KISS1R: variants seen among roughly 807,000 people sequenced by gnomAD.
The protein encoded by KISS1R is KISS1 receptor.
Under a neutral mutation model 22.0 loss-of-function variants are expected in KISS1R, and 19 were observed. The ratio of observed to expected loss-of-function variants is 0.86; its 90% confidence interval spans 0.60 to 1.26. KISS1R has a LOEUF of 1.26. Ranked by LOEUF, KISS1R falls within the 50% of genes most tolerant of loss-of-function variation. KISS1R has a pLI of 0.00. For missense variants in KISS1R, 653 were observed against 581.9 expected, an observed-to-expected ratio of 1.12 and a Z score of -1.26; for synonymous variants, 302 against 283.9, an observed-to-expected ratio of 1.06 and a Z score of -0.64.
At chr19:919,238 A>G (rs1191332132) in intron 2 of KISS1R, among the ~76,000 whole-genome samples, 1 of 151,898 alleles carries the variant, frequency 6.6e-6, no homozygotes, top group African/African-American at 2.4e-5. Context: ...CCTCCATCCC[A>G]CGCAGCCCCC....
Position 917,475 on chromosome 19 carries a change from C to T in KISS1R, c.-28C>T. 7.0e-7 allele frequency: 1 copy of T among 1,435,358 alleles called. No homozygotes were observed. Among genetic ancestry groups the T allele is most frequent in the South Asian group, 1.4e-5 (1 of 69,926 alleles). The allele number at this position is 1,435,358 out of a possible 1,614,324, so 88.9% of individuals were successfully genotyped here. A position where few individuals can be genotyped will look rare whatever the true frequency, so the allele number is the denominator to read the frequency against. ...GGTGCCAGGGCGCAATCCTGGAGGG[C>T]GGCCGGGAGGAGGAGGTGCGCGCGG... On this transcript the variant is annotated 5_prime_UTR_variant, in exon 1 of 5. Transcript: ENST00000234371.
intron 1 of KISS1R, 29 bp downstream of exon 1, chr19:917,775 T>G (rs1246042058): frequency 1.3e-6 from 2 of 1,584,688 alleles, no homozygotes; most frequent in Non-Finnish European, 1.7e-6. Flanking sequence ...CCGCACCTGC[T>G]GCCGTCCCGG....
Position 920,271 on chromosome 19 carries a change from C to T in KISS1R, c.739-19C>T, listed in dbSNP as rs560129563. On this transcript the variant is annotated intron_variant, in intron 4 of 4. Transcript: ENST00000234371. Reference sequence around the variant, plus strand: ...GGGCCCCAGCCTTTCGTCTAACCACCTTCACGGCACCCCCCCAGGGGCAGG... The same window carrying T: ...GGGCCCCAGCCTTTCGTCTAACCACTTTCACGGCACCCCCCCAGGGGCAGG... 7 of 1,565,870 alleles carry T rather than the reference C, an allele frequency of 4.5e-6. No homozygotes were observed. The highest frequency in any genetic ancestry group is 6.0e-6 in the Non-Finnish European group (7 of 1,165,198).
chr19:920,353 G>A lies in KISS1R; in HGVS notation c.802G>A (p.Val268Met). 6.4e-7 allele frequency: 1 copy of A among 1,565,114 alleles called. No individual in the cohort carries two copies. Among genetic ancestry groups the A allele is most frequent in the East Asian group, 2.4e-5 (1 of 42,122 alleles). ...RAKVSRLVAA[V>M]VLLFAACWGP... ...CAAGGTCTCGCGGCTGGTGGCGGCC[G>A]TGGTCCTGCTCTTCGCCGCCTGCTG... The change falls in exon 5 of 5, where the codon GTG (valine) becomes ATG (methionine). Residue 268 changes from valine to methionine, a missense_variant. Transcript: ENST00000234371.
Position 920,385 on chromosome 19 carries a change from C to CA in KISS1R, c.835dup (p.Ile279AsnfsTer27). On this transcript the variant is annotated frameshift_variant, in exon 5 of 5. Coordinates refer to ENST00000234371, the MANE Select transcript of KISS1R (RefSeq NM_032551.5). LOFTEE classifies it low-confidence loss of function (END_TRUNC). Reference sequence around the variant, plus strand: ...TGCTCTTCGCCGCCTGCTGGGGCCCCATCCAGCTGTTCCTGGTGCTGCAGG... The same window carrying CA: ...TGCTCTTCGCCGCCTGCTGGGGCCCCAATCCAGCTGTTCCTGGTGCTGCAGG... 1.3e-5 allele frequency: 21 copies of CA among 1,594,478 alleles called. No homozygotes were observed. Among genetic ancestry groups the CA allele is most frequent in the Non-Finnish European group, 1.7e-5 (20 of 1,174,982 alleles).
chr19:920,023 G>T lies in KISS1R; in HGVS notation c.655G>T (p.Ala219Ser). The T allele has an allele frequency of 6.5e-7, 1 of 1,541,410 alleles. No homozygotes were observed. The highest frequency in any genetic ancestry group is 8.7e-7 in the Non-Finnish European group (1 of 1,146,860). Residue 219 changes from alanine (A) to serine (S), a missense_variant, in exon 4 of 5, where the codon GCC (alanine) becomes TCC (serine). Physicochemically the swap from Ala to Ser is moderately conservative, Grantham distance 99 (BLOSUM62 1). Transcript: ENST00000234371. ...GGCGCTGTACCTGCTGCCGCTGCTC[G>T]CCACCTGCGCCTGCTATGCGGCCAT... is the stretch of plus-strand genomic sequence containing the variant. ...LLALYLLPLL[A>S]TCACYAAMLR...
At position 919,949 on chromosome 19, in the gene KISS1R, C is replaced by T. The variant is rs397514699; in HGVS notation, c.581C>T (p.Ala194Val). 1.3e-6 allele frequency: 2 copies of T among 1,570,158 alleles called. No individual in the cohort carries two copies. The highest frequency in any genetic ancestry group is 1.4e-5 in the African/African-American group (1 of 73,736). Residue 194 changes from alanine to valine, a missense_variant, in exon 4 of 5, where the codon GCC becomes GTC. Coordinates refer to ENST00000234371, the MANE Select transcript of KISS1R (RefSeq NM_032551.5). ...SPGPRAYCSE[A>V]FPSRALERAF... ...GGGCCGCGCGCCTACTGCAGTGAGG[C>T]CTTCCCCAGCCGCGCCCTGGAGCGC...
rs1180943168 is a variant in KISS1R, at chr19:920,380, G to A, written c.829G>A (p.Gly277Ser). Reference sequence around the variant, plus strand: ...GGTCCTGCTCTTCGCCGCCTGCTGGGGCCCCATCCAGCTGTTCCTGGTGCT... The same window carrying A: ...GGTCCTGCTCTTCGCCGCCTGCTGGAGCCCCATCCAGCTGTTCCTGGTGCT... ...AVVLLFAACW[G>S]PIQLFLVLQA... The change falls in exon 5 of 5, where the codon GGC (glycine) becomes AGC (serine). Residue 277 changes from glycine (G) to serine (S), a missense_variant. Coordinates refer to ENST00000234371, the MANE Select transcript of KISS1R (RefSeq NM_032551.5). 11 of 1,590,354 alleles carry A rather than the reference G, an allele frequency of 6.9e-6. No individual in the cohort carries two copies. Among genetic ancestry groups the A allele is most frequent in the South Asian group, 5.6e-5 (5 of 88,830 alleles).
At position 920,505 on chromosome 19, in the gene KISS1R, G is replaced by A; in HGVS notation, c.954G>A (p.Leu318=). The change falls in exon 5 of 5, where the codon CTG becomes CTA. Residue 318 remains leucine (L), a synonymous_variant. Coordinates refer to ENST00000234371, the MANE Select transcript of KISS1R (RefSeq NM_032551.5). ...GCATGTCCTACAGCAACTCCGCGCT[G>A]AACCCGCTGCTCTACGCCTTCCTGG... ...AHCMSYSNSA[L]NPLLYAFLGS... is the part of the protein sequence containing the mutation. 1 of 1,609,118 alleles carries A rather than the reference G, an allele frequency of 6.2e-7. No homozygotes were observed. The highest frequency in any genetic ancestry group is 1.3e-5 in the African/African-American group (1 of 74,254).
chr19:919,953 C>G lies in KISS1R; in HGVS notation c.585C>G (p.Phe195Leu). Residue 195 changes from phenylalanine (F) to leucine (L), a missense_variant, in exon 4 of 5, where the codon TTC becomes TTG. Coordinates refer to ENST00000234371, the MANE Select transcript of KISS1R (RefSeq NM_032551.5). The stretch of plus-strand genomic sequence containing the variant: ...CGCGCGCCTACTGCAGTGAGGCCTT[C>G]CCCAGCCGCGCCCTGGAGCGCGCCT... ...PGPRAYCSEA[F>L]PSRALERAFA... 6.4e-7 allele frequency: 1 copy of G among 1,571,002 alleles called. No homozygotes were observed. Among genetic ancestry groups the G allele is most frequent in the Non-Finnish European group, 8.6e-7 (1 of 1,161,486 alleles).
intron 1 of KISS1R, 123 bp downstream of exon 1, chr19:917,869 TC>T (rs1056083756): frequency 1.5e-5 from 18 of 1,198,618 alleles, no homozygotes; most frequent in East Asian, 1.1e-4. Context: ...CCTGCAGGGG[TC>T]CCCCCCAACC....
chr19:918,841 G>C (rs1442515634), intron 2 of KISS1R, among the ~76,000 whole-genome samples, 173 bp downstream of exon 2: 1 of 143,094 alleles, frequency 7.0e-6, no homozygotes, highest in Non-Finnish European at 1.5e-5. Context: ...AGCAGGAGGG[G>C]AGGGAGCGCA....
chr19:917,858 C>T (rs1599369568), intron 1 of KISS1R, 112 bp downstream of exon 1: 1 of 1,304,042 alleles, frequency 7.7e-7, no homozygotes, highest in South Asian at 1.5e-5. Context: ...CGGCTCTGTC[C>T]CCTGCAGGGG....
At chr19:919,358 G>C (rs111944145) in intron 2 of KISS1R, 132 bp from the exon 3 acceptor site, 2 of 1,317,862 alleles carry the variant, frequency 1.5e-6, no homozygotes, top group African/African-American at 1.5e-5. Context: ...ACCCGCACTG[G>C]ACACTCCTCC....
In KISS1R at chr19:917,722, C is replaced by T; in HGVS notation, c.220C>T (p.Arg74Trp). 2 of 1,606,640 alleles carry T rather than the reference C, an allele frequency of 1.2e-6. No individual in the cohort carries two copies. Among genetic ancestry groups the T allele is most frequent in the South Asian group, 1.1e-5 (1 of 90,302 alleles). Reference sequence around the variant, plus strand: ...CGTCATCTGCCGCCACAAGCCGATGCGGACCGTGACCAACTTCTACATCGG... The same window carrying T: ...CGTCATCTGCCGCCACAAGCCGATGTGGACCGTGACCAACTTCTACATCGG... ...IYVICRHKPM[R>W]TVTNFYIANL... The change falls in exon 1 of 5, where the codon CGG (arginine) becomes TGG (tryptophan). Residue 74 changes from arginine to tryptophan, a missense_variant. Coordinates refer to ENST00000234371, the MANE Select transcript of KISS1R (RefSeq NM_032551.5).
Position 917,535 on chromosome 19 carries a change from G to T in KISS1R, c.33G>T (p.Ala11=). 1 of 1,514,664 alleles carries T rather than the reference G, an allele frequency of 6.6e-7. No homozygotes were observed. The allele number at this position is 1,514,664 out of a possible 1,614,324, so 93.8% of individuals were successfully genotyped here. Residue 11 remains alanine (A), a synonymous_variant, in exon 1 of 5, where the codon GCG becomes GCT. Coordinates refer to ENST00000234371, the MANE Select transcript of KISS1R (RefSeq NM_032551.5). ...CCGTGGCTACGTCCGGACCCAACGC[G>T]TCCTGGGGGGCACCGGCCAACGCCT... The part of the protein sequence containing the change: MHTVATSGPN[A]SWGAPANASG...
At position 917,510 on chromosome 19, in the gene KISS1R, C is replaced by G; in HGVS notation, c.8C>G (p.Thr3Ser). The change falls in exon 1 of 5, where the codon ACC (threonine) becomes AGC (serine). Residue 3 changes from threonine to serine, a missense_variant. Coordinates refer to ENST00000234371, the MANE Select transcript of KISS1R (RefSeq NM_032551.5). The part of the protein sequence containing the change: MH[T>S]VATSGPNASW... ...GAGGAGGTGCGCGCGGCCATGCACA[C>G]CGTGGCTACGTCCGGACCCAACGCG... 1.3e-6 allele frequency: 2 copies of G among 1,489,400 alleles called. No individual in the cohort carries two copies. Among genetic ancestry groups the G allele is most frequent in the Non-Finnish European group, 1.8e-6 (2 of 1,125,382 alleles). The allele number at this position is 1,489,400 out of a possible 1,614,324, so 92.3% of individuals were successfully genotyped here.
At position 918,610 on chromosome 19, in the gene KISS1R, C is replaced by CA; in HGVS notation, c.311_312insA (p.Leu105AlafsTer89). ...GTCCCCTTCACGGCCCTGCTGTACC[C>CA]GCTGCCCGGCTGGGTGCTGGGCGAC... On this transcript the variant is annotated frameshift_variant, in exon 2 of 5. Transcript: ENST00000234371. LOFTEE classifies it high-confidence loss of function. The CA allele has an allele frequency of 6.4e-7, 1 of 1,551,624 alleles. No individual in the cohort carries two copies. Among genetic ancestry groups the CA allele is most frequent in the Non-Finnish European group, 8.7e-7 (1 of 1,147,246 alleles).
intron 1 of KISS1R, among the ~76,000 whole-genome samples, 195 bp downstream of exon 1, chr19:917,941 C>T (rs1029207760): frequency 4.6e-5 from 7 of 151,986 alleles, no homozygotes; most frequent in African/African-American, 1.7e-4. Context: ...CCAGCGCGGG[C>T]GGGCCCGGGC....
Sources: allele counts gnomAD v4.1 joint callset (sites outside exome capture counted in the v4.1 genomes callset), GRCh38; gene constraint gnomAD v4.1.1; transcripts MANE v1.5; gene names NCBI Gene and HGNC (gene_info 2026-07-23, HGNC 2026-07-21).